The following CIMIP6 variants were observed in gnomAD, a reference collection of about 807,000 sequenced individuals.
CIMIP6 encodes the protein uncharacterized protein C2orf73.
chr2:54,377,215 G>A, the CIMIP6 span, among the ~76,000 whole-genome samples: 1 of 152,038 alleles, frequency 6.6e-6, no homozygotes, highest in Non-Finnish European at 1.5e-5. Context: ...AGCCTGATTC[G>A]TAATATTGAC....
At chr2:54,354,733 G>C in the CIMIP6 span, among the ~76,000 whole-genome samples, 3 of 151,800 alleles carry the variant, frequency 2.0e-5, no homozygotes, top group Non-Finnish European at 2.9e-5. Flanking sequence ...ATGGACTCTT[G>C]TGGTTTTTCT....
the CIMIP6 span, among the ~76,000 whole-genome samples, chr2:54,347,795 T>TCCCGATTCC: frequency 2.0e-5 from 3 of 152,148 alleles, no homozygotes; most frequent in Non-Finnish European, 2.9e-5. Context: ...GCTCCCTGCC[T>TCCCGATTCC]CAGAGGTATG....
At chr2:54,333,410 G>A in the CIMIP6 span, among the ~76,000 whole-genome samples, 1 of 152,178 alleles carries the variant, frequency 6.6e-6, no homozygotes, top group Non-Finnish European at 1.5e-5. Context: ...CGAACAGCAT[G>A]TGCAGGTGCC....
the CIMIP6 span, chr2:54,358,851 T>C: frequency 1.1e-5 from 6 of 531,076 alleles, no homozygotes; most frequent in African/African-American, 6.0e-5. Flanking sequence ...TAATCTTGCA[T>C]ACTTCAAGAA....
At chr2:54,350,808 C>G in the CIMIP6 span, among the ~76,000 whole-genome samples, 1 of 152,210 alleles carries the variant, frequency 6.6e-6, no homozygotes, top group Non-Finnish European at 1.5e-5. Context: ...TGCCCACACT[C>G]TTTAATGAAT....
the CIMIP6 span, among the ~76,000 whole-genome samples, chr2:54,349,271 G>A: frequency 6.6e-6 from 1 of 151,630 alleles, no homozygotes; most frequent in Non-Finnish European, 1.5e-5. Context: ...TATATTAATA[G>A]TCTTTATATA....
At chr2:54,351,590 G>A in the CIMIP6 span, among the ~76,000 whole-genome samples, 3 of 152,112 alleles carry the variant, frequency 2.0e-5, no homozygotes, top group African/African-American at 7.2e-5. Context: ...ATGGACACAA[G>A]GGAACAACAG....
chr2:54,352,990 A>G, the CIMIP6 span, among the ~76,000 whole-genome samples: 1 of 152,190 alleles, frequency 6.6e-6, no homozygotes, highest in Non-Finnish European at 1.5e-5. Flanking sequence ...CTGACCAACA[A>G]AATCTCCACT....
chr2:54,355,604 C>T, the CIMIP6 span, among the ~76,000 whole-genome samples: 1 of 151,842 alleles, frequency 6.6e-6, no homozygotes, highest in Non-Finnish European at 1.5e-5. Context: ...TTGATACTTC[C>T]ACCTTCCATG....
chr2:54,331,311 C>A, the CIMIP6 span, among the ~76,000 whole-genome samples: 1 of 152,136 alleles, frequency 6.6e-6, no homozygotes, highest in Admixed American at 6.5e-5. Flanking sequence ...TACCACTGCT[C>A]ATCACTTTCA....
chr2:54,341,925 C>A, the CIMIP6 span, among the ~76,000 whole-genome samples: 1 of 152,130 alleles, frequency 6.6e-6, no homozygotes, highest in Non-Finnish European at 1.5e-5. Context: ...TGAGAAGACA[C>A]CATCTGTTTA....
At chr2:54,342,331 G>A in the CIMIP6 span, among the ~76,000 whole-genome samples, 1 of 152,142 alleles carries the variant, frequency 6.6e-6, no homozygotes, top group African/African-American at 2.4e-5. Context: ...ACTGTTAGCC[G>A]GAACACAAAA....
chr2:54,376,870 C>T, the CIMIP6 span, among the ~76,000 whole-genome samples: 2 of 152,206 alleles, frequency 1.3e-5, no homozygotes, highest in Non-Finnish European at 2.9e-5. Flanking sequence ...GCACTGTTAG[C>T]ACAAGAAATT....
chr2:54,350,773 T>C, the CIMIP6 span, among the ~76,000 whole-genome samples: 2 of 152,248 alleles, frequency 1.3e-5, no homozygotes, highest in African/African-American at 4.8e-5. Context: ...TCTTCATCTT[T>C]CATTGTCTGA....
At chr2:54,357,743 A>ATTTTT in the CIMIP6 span, among the ~76,000 whole-genome samples, 2 of 144,316 alleles carry the variant, frequency 1.4e-5, no homozygotes, top group African/African-American at 2.6e-5. Context: ...CGCCCAGCTA[A>ATTTTT]TTTTTTTTTT....
At chr2:54,349,505 G>T in the CIMIP6 span, among the ~76,000 whole-genome samples, 2 of 152,166 alleles carry the variant, frequency 1.3e-5, no homozygotes. Flanking sequence ...ATTTTAATTA[G>T]ATCAAGTTTC....
chr2:54,333,974 G>T, the CIMIP6 span, among the ~76,000 whole-genome samples: 1 of 152,140 alleles, frequency 6.6e-6, no homozygotes, highest in African/African-American at 2.4e-5. Context: ...TACTTTAAGG[G>T]CTGTGTATAA....
chr2:54,343,748 T>C, the CIMIP6 span: 6 of 1,609,440 alleles, frequency 3.7e-6, no homozygotes, highest in Middle Eastern at 1.7e-4. Context: ...GGTAAAGCAC[T>C]GGAACCTGTC....
the CIMIP6 span, among the ~76,000 whole-genome samples, chr2:54,375,784 A>G: frequency 1.3e-5 from 2 of 152,194 alleles, no homozygotes; most frequent in Admixed American, 6.5e-5. Flanking sequence ...CATGGGCTAG[A>G]TCTTCTCCAA....
Sources: allele counts gnomAD v4.1 joint callset (sites outside exome capture counted in the v4.1 genomes callset), GRCh38; gene constraint gnomAD v4.1.1; transcripts MANE v1.5; gene names NCBI Gene and HGNC (gene_info 2026-07-23, HGNC 2026-07-21).